The following MITF variants were observed in gnomAD, a reference collection of about 807,000 sequenced individuals.
The protein encoded by MITF is microphthalmia-associated transcription factor.
In MITF, 17 loss-of-function variants were observed where a neutral mutation model predicts 60.5. The ratio of observed to expected loss-of-function variants is 0.28; its 90% confidence interval spans 0.19 to 0.42. The LOEUF (loss-of-function observed/expected upper bound fraction) is 0.42, where lower values mean the gene tolerates loss of function less well. Among genes scored for constraint, MITF ranks in the 10% least tolerant of loss-of-function variants. MITF has a pLI of 1.00. For synonymous variants in MITF, 260 were observed against 248.5 expected (o/e 1.05, Z -0.43); for missense variants, 622 against 683.5 (o/e 0.91, Z 1.00).
intron 2 of MITF, among the ~76,000 whole-genome samples, chr3:69,917,011 T>C (rs2065348473): frequency 6.6e-6 from 1 of 152,226 alleles, no homozygotes; most frequent in African/African-American, 2.4e-5. Context: ...AGTGCATGTC[T>C]AGTACATGTT....
At position 69,835,015 on chromosome 3, in the gene MITF, C is replaced by CTTTT. The variant is rs142347719; in HGVS notation, c.105-44099_105-44096dup. On this transcript the variant is annotated intron_variant, in intron 1 of 9. Coordinates refer to ENST00000352241, the MANE Select transcript of MITF (RefSeq NM_001354604.2). Reference sequence around the variant, plus strand: ...GTGTCTATTAAGCTTGCTCTTTTACCTTTTTTTTTTTTTTTTTTTTTTTGG... The same window carrying CTTTT: ...GTGTCTATTAAGCTTGCTCTTTTACCTTTTTTTTTTTTTTTTTTTTTTTTTTTGG... Among the ~76,000 whole-genome samples the CTTTT allele has an allele frequency of 2.1e-3, 144 of 68,522 alleles. 2 individuals carry two copies. Among genetic ancestry groups the CTTTT allele is most frequent in the Non-Finnish European group, 2.9e-3 (106 of 37,106 alleles). The allele number at this position is 68,522 out of a possible 152,430, so 45.0% of individuals were successfully genotyped here. A position where few individuals can be genotyped will look rare whatever the true frequency, so the allele number is the denominator to read the frequency against.
chr3:69,898,775 AG>A lies in MITF; in HGVS notation c.354+19393del, dbSNP rs1260293040. Reference sequence around the variant, plus strand: ...TTGTGTGATCACTGTGACCTTGGAAAGAACAGGTTTGGGAGAGTGGAGGGGA... The same window carrying A: ...TTGTGTGATCACTGTGACCTTGGAAAAACAGGTTTGGGAGAGTGGAGGGGA... On this transcript the variant is annotated intron_variant, in intron 2 of 9. Coordinates refer to ENST00000352241, the MANE Select transcript of MITF (RefSeq NM_001354604.2). Among the ~76,000 whole-genome samples, 4 of 152,200 alleles carry A rather than the reference AG, an allele frequency of 2.6e-5. No homozygotes were observed. The East Asian group carries it at 7.7e-4, about 29-fold the overall frequency.
At position 69,967,916 on chromosome 3, in the gene MITF, G is replaced by A. The variant is rs2066730405; in HGVS notation, c.*2668G>A. The A allele has an allele frequency of 4.3e-6, 1 of 233,248 alleles. No homozygotes were observed. The highest frequency in any genetic ancestry group is 8.5e-6 in the Non-Finnish European group (1 of 117,952). The allele number at this position is 233,248 out of a possible 1,614,324, so 14.4% of individuals were successfully genotyped here. ...AAATTGTCCATCTGCCTCTGAGTAG[G>A]GCAATGGAAATACCAAACCTTCTGA... On this transcript the variant is annotated 3_prime_UTR_variant, in exon 10 of 10. Transcript: ENST00000352241.
chr3:69,837,665 G>T (rs62252228), intron 1 of MITF, among the ~76,000 whole-genome samples: 2 of 152,074 alleles, frequency 1.3e-5, no homozygotes, highest in Admixed American at 1.3e-4. Context: ...TCTGAATGTC[G>T]AAGGATTTTT....
intron 2 of MITF, among the ~76,000 whole-genome samples, chr3:69,904,805 C>T (rs1338254997): frequency 5.3e-5 from 8 of 151,998 alleles, no homozygotes; most frequent in Admixed American, 5.2e-4. Context: ...AAAATTTAGT[C>T]TACAAGTGAG....
intron 5 of MITF, among the ~76,000 whole-genome samples, chr3:69,942,836 C>T (rs2066001036): frequency 6.6e-6 from 1 of 152,014 alleles, no homozygotes; most frequent in Non-Finnish European, 1.5e-5. Context: ...TACCCAAAGA[C>T]ATGGGTATAT....
intron 8 of MITF, 83 bp downstream of exon 8, chr3:69,956,613 A>G (rs2066405353): frequency 2.6e-6 from 3 of 1,162,740 alleles, no homozygotes; most frequent in Non-Finnish European, 3.9e-6. Context: ...ATGCAGTTGT[A>G]AAAACTAAAG....
intron 1 of MITF, among the ~76,000 whole-genome samples, chr3:69,757,978 C>G (rs1188532755): frequency 7.0e-6 from 1 of 143,822 alleles, no homozygotes; most frequent in Non-Finnish European, 1.5e-5. Context: ...AGGAAAAGAA[C>G]CTGGAGTTAC....
At chr3:69,768,093 C>A (rs1162774309) in intron 1 of MITF, among the ~76,000 whole-genome samples, 1 of 152,172 alleles carries the variant, frequency 6.6e-6, no homozygotes, top group East Asian at 1.9e-4. Context: ...GACATGGTCT[C>A]TGCCCACAAT....
intron 1 of MITF, among the ~76,000 whole-genome samples, chr3:69,807,721 C>A (rs1008491164): frequency 1.3e-5 from 2 of 152,168 alleles, no homozygotes; most frequent in Non-Finnish European, 2.9e-5. Flanking sequence ...TTTAAACAGC[C>A]TTTGAGGCAT....
rs1217334800 is a variant in MITF at position 69,836,170 on chromosome 3, A to G, written c.105-42964A>G. On this transcript the variant is annotated intron_variant, in intron 1 of 9. Transcript: ENST00000352241. ...CTTTCTTCCTTGTTTTATAGTTTTC[A>G]TTGTAGAGATCTTTTACCCTGATGG... Among the ~76,000 whole-genome samples the G allele has an allele frequency of 2.6e-5, 4 of 151,794 alleles. No individual in the cohort carries two copies. In the East Asian group the frequency reaches 5.8e-4, roughly 22 times the overall value.
intron 2 of MITF, among the ~76,000 whole-genome samples, chr3:69,888,957 C>G (rs113398500): frequency 2.1e-5 from 3 of 140,204 alleles, no homozygotes; most frequent in African/African-American, 8.0e-5. Context: ...TGTATTGGCT[C>G]GGTGTGATTT....
intron 1 of MITF, among the ~76,000 whole-genome samples, chr3:69,789,091 T>G (rs1329531059): frequency 6.6e-6 from 1 of 152,020 alleles, no homozygotes; most frequent in Admixed American, 6.6e-5. Context: ...AAAATTGACA[T>G]AGGACAGTCT....
At chr3:69,822,507 A>T (rs1045859303) in intron 1 of MITF, among the ~76,000 whole-genome samples, 2 of 152,244 alleles carry the variant, frequency 1.3e-5, no homozygotes, top group Admixed American at 1.3e-4. Flanking sequence ...AGTCACACCA[A>T]AACACAGACT....
intron 2 of MITF, 71 bp downstream of exon 2, chr3:69,879,454 A>G: frequency 6.2e-7 from 1 of 1,605,330 alleles, no homozygotes; most frequent in Non-Finnish European, 8.5e-7. Context: ...TGTTTTGTTT[A>G]TCTGAATATG....
intron 1 of MITF, among the ~76,000 whole-genome samples, chr3:69,747,474 T>C (rs1487711672): frequency 6.6e-6 from 1 of 152,226 alleles, no homozygotes; most frequent in East Asian, 1.9e-4. Flanking sequence ...AATTCTCTCT[T>C]CTGTAAAACG....
At chr3:69,932,895 G>A (rs1217573510) in intron 2 of MITF, among the ~76,000 whole-genome samples, 2 of 152,146 alleles carry the variant, frequency 1.3e-5, no homozygotes, top group African/African-American at 4.8e-5. Flanking sequence ...AAGAATAGTG[G>A]TGTGGTGATA....
intron 2 of MITF, among the ~76,000 whole-genome samples, chr3:69,886,377 T>G (rs1168118621): frequency 6.6e-6 from 1 of 152,096 alleles, no homozygotes; most frequent in Non-Finnish European, 1.5e-5. Flanking sequence ...TTAGCTCATT[T>G]ATTATTTTAG....
At chr3:69,847,033 G>T (rs1487748202) in intron 1 of MITF, among the ~76,000 whole-genome samples, 4 of 152,036 alleles carry the variant, frequency 2.6e-5, no homozygotes, top group Non-Finnish European at 5.9e-5. Flanking sequence ...AAGGGACCTG[G>T]GATTCTTTGA....
Sources: gnomAD v4.1 joint callset for allele counts (sites outside exome capture counted in the v4.1 genomes callset) on GRCh38, gnomAD v4.1.1 for gene constraint, MANE v1.5 for transcripts, NCBI Gene and HGNC (gene_info 2026-07-23, HGNC 2026-07-21) for gene names.